HSPA9: variants seen among roughly 807,000 people sequenced by gnomAD.
HSPA9 encodes heat shock protein family A (Hsp70) member 9.
In HSPA9, 28 loss-of-function variants were observed where a neutral mutation model predicts 81.5. The ratio of observed to expected loss-of-function variants is 0.34; its 90% CI spans 0.25 to 0.47. HSPA9 has a LOEUF of 0.47. Among genes scored for constraint, HSPA9 ranks in the 20% least tolerant of loss-of-function variants. HSPA9 has a pLI of 1.00. For synonymous variants in HSPA9, 293 were observed against 290.4 expected (o/e 1.01, Z -0.09); for missense variants, 678 against 838.0 (o/e 0.81, Z 2.36).
In HSPA9 at chr5:138,573,641, CAAAAAAAAAA is replaced by C. The variant is rs57776368; in HGVS notation, c.228+112_228+121del. 246 of 304,334 alleles carry C rather than the reference CAAAAAAAAAA, an allele frequency of 8.1e-4. 1 individual carries two copies. Among genetic ancestry groups the C allele is most frequent in the Admixed American group, 1.2e-3 (23 of 18,558 alleles). 18.9% of individuals were successfully genotyped at this position (304,334 alleles called of 1,614,324 possible). Reference sequence around the variant, plus strand: ...CACCATGGGCTATAGAGACTGTCTCCAAAAAAAAAAAAAAAAAAAAAAAAAAAGCGCAAAT... The same window carrying C: ...CACCATGGGCTATAGAGACTGTCTCCAAAAAAAAAAAAAAAAAGCGCAAAT... On this transcript the variant is annotated intron_variant, in intron 3 of 16. Transcript: ENST00000297185.
At chr5:138,559,634 G>GT (rs762687136) in intron 11 of HSPA9, 4 of 507,672 alleles carry the variant, frequency 7.9e-6, no homozygotes, top group Non-Finnish European at 1.4e-5. Context: ...GACTACTGAT[G>GT]TCCTTCTTAT....
chr5:138,556,711 A>G, intron 15 of HSPA9, 63 bp downstream of exon 15: 1 of 1,561,366 alleles, frequency 6.4e-7, no homozygotes, highest in South Asian at 1.1e-5. Context: ...ACAGAAAAAT[A>G]AACTTCACTG....
Position 138,556,061 on chromosome 5 carries a change from T to C in HSPA9, c.2016A>G (p.Glu672=). 2 of 1,613,336 alleles carry C rather than the reference T, an allele frequency of 1.2e-6. No individual in the cohort carries two copies. The highest frequency in any genetic ancestry group is 1.7e-6 in the Non-Finnish European group (2 of 1,179,504). The change falls in exon 17 of 17, where the codon GAA becomes GAG. Residue 672 remains glutamate, a synonymous_variant. Transcript: ENST00000297185. ...ATTACTGTTTTTCCTCCTTTTGATCTTCCTTTTGTTCCCCAGTGCCAGAAC... is the reference window on the plus strand; with the variant it reads ...ATTACTGTTTTTCCTCCTTTTGATCCTCCTTTTGTTCCCCAGTGCCAGAAC... ...SGSSGTGEQK[E]DQKEEKQ
intron 6 of HSPA9, 33 bp downstream of exon 6, chr5:138,567,616 C>T: frequency 1.2e-6 from 2 of 1,611,340 alleles, no homozygotes; most frequent in Non-Finnish European, 1.7e-6. Flanking sequence ...AGGCACCTTA[C>T]TTTTTGTGAA....
intron 1 of HSPA9, chr5:138,574,922 ATAGACTGCATCCCTCACCC>A: frequency 2.1e-6 from 1 of 480,532 alleles, no homozygotes; most frequent in African/African-American, 2.0e-5. Flanking sequence ...GGCTTTCCCA[ATAGACTGCATCCCTCACCC>A]CCAAGGCCAA....
intron 15 of HSPA9, 35 bp downstream of exon 15, chr5:138,556,739 T>C (rs1167169499): frequency 6.3e-7 from 1 of 1,579,664 alleles, no homozygotes; most frequent in Non-Finnish European, 8.7e-7. Context: ...TAAAAATGTG[T>C]TCAACCTCTT....
intron 1 of HSPA9, 192 bp from the exon 2 acceptor site, chr5:138,574,318 C>T (rs1008654974): frequency 1.6e-6 from 1 of 633,368 alleles, no homozygotes; most frequent in Admixed American, 2.8e-5. Flanking sequence ...TAGGATTTCT[C>T]AACCGTGGCG....
chr5:138,561,554 C>A, intron 10 of HSPA9, 26 bp downstream of exon 10: 1 of 1,593,082 alleles, frequency 6.3e-7, no homozygotes, highest in South Asian at 1.1e-5. Context: ...CCTCTCTCTC[C>A]ACGACAGAAT....
chr5:138,569,074 G>C, intron 4 of HSPA9, 25 bp from the exon 5 acceptor site: 1 of 1,611,300 alleles, frequency 6.2e-7, no homozygotes, highest in Non-Finnish European at 8.5e-7. Context: ...AATTCTATTA[G>C]AGAAAACTAC....
chr5:138,570,520 A>AGC (rs1750858872), intron 4 of HSPA9, among the ~76,000 whole-genome samples: 1 of 152,182 alleles, frequency 6.6e-6, no homozygotes, highest in African/African-American at 2.4e-5. Context: ...ACAGAGTCTC[A>AGC]GCAGCCCAGG....
intron 11 of HSPA9, 74 bp from the exon 12 acceptor site, chr5:138,558,731 A>T: frequency 1.1e-6 from 1 of 938,706 alleles, no homozygotes. Flanking sequence ...AATGAAAGCC[A>T]AAGGTTTACA....
At position 138,570,934 on chromosome 5, in the gene HSPA9, T is replaced by C. The variant is rs745508583; in HGVS notation, c.410+26A>G. ...GTGGCCCTTGCAAATAACTGCTTTT[T>C]GCAAAAAACTTTTGCTGTTACTCAC... On this transcript the variant is annotated intron_variant, in intron 4 of 16. Transcript: ENST00000297185. The C allele has an allele frequency of 7.4e-6, 12 of 1,612,256 alleles. No homozygotes were observed. In the South Asian group the frequency reaches 1.2e-4, roughly 16 times the overall value.
At position 138,560,104 on chromosome 5, in the gene HSPA9, GAA is replaced by G; in HGVS notation, c.1183-15_1183-14del. ...CAGTCTGCTGAACCTGAACATCAAG[GAA>G]AAAGAACCTGTCGGCCCACACTTGG... On this transcript the variant is annotated splice_polypyrimidine_tract_variant and intron_variant, in intron 10 of 16. Transcript: ENST00000297185. 1 of 1,606,756 alleles carries G rather than the reference GAA, an allele frequency of 6.2e-7. No homozygotes were observed. The highest frequency in any genetic ancestry group is 8.5e-7 in the Non-Finnish European group (1 of 1,173,832).
intron 9 of HSPA9, among the ~76,000 whole-genome samples, chr5:138,565,024 G>A (rs1750734135): frequency 6.6e-6 from 1 of 152,164 alleles, no homozygotes; most frequent in Non-Finnish European, 1.5e-5. Flanking sequence ...ATCTGCATGA[G>A]GGTAATAAAC....
At chr5:138,558,025 A>G in intron 12 of HSPA9, 39 bp from the exon 13 acceptor site, 4 of 1,267,550 alleles carry the variant, frequency 3.2e-6, no homozygotes, top group Non-Finnish European at 4.6e-6. Context: ...CCTCTTACAG[A>G]GGGGTCCAGT....
At chr5:138,561,538 G>A (rs377152013) in intron 10 of HSPA9, 42 bp downstream of exon 10, 229 of 1,527,374 alleles carry the variant, frequency 1.5e-4, no homozygotes, top group Non-Finnish European at 1.8e-4. Context: ...TACACTATGC[G>A]CCAGCCCTCT....
chr5:138,560,100 C>A lies in HSPA9; in HGVS notation c.1183-9G>T. 1 of 1,610,332 alleles carries A rather than the reference C, an allele frequency of 6.2e-7. No homozygotes were observed. The highest frequency in any genetic ancestry group is 8.5e-7 in the Non-Finnish European group (1 of 1,176,960). On this transcript the variant is annotated splice_polypyrimidine_tract_variant and intron_variant, in intron 10 of 16. Coordinates refer to ENST00000297185, the MANE Select transcript of HSPA9 (RefSeq NM_004134.7). ...TGTACAGTCTGCTGAACCTGAACAT[C>A]AAGGAAAAAGAACCTGTCGGCCCAC... is the stretch of plus-strand genomic sequence containing the variant.
chr5:138,571,144 A>C lies in HSPA9; in HGVS notation c.229-3T>G, dbSNP rs1276988731. 1 of 1,613,246 alleles carries C rather than the reference A, an allele frequency of 6.2e-7. No individual in the cohort carries two copies. Among genetic ancestry groups the C allele is most frequent in the Non-Finnish European group, 8.5e-7 (1 of 1,179,854 alleles). ...GCACCTTCGGCATTCTCCAGCACCT[A>C]AACTCCCAAAATGTGATAGAGAGTA... is the stretch of plus-strand genomic sequence containing the variant. On this transcript the variant is annotated splice_region_variant and splice_polypyrimidine_tract_variant and intron_variant, in intron 3 of 16. Coordinates refer to ENST00000297185, the MANE Select transcript of HSPA9 (RefSeq NM_004134.7).
intron 9 of HSPA9, among the ~76,000 whole-genome samples, chr5:138,564,290 G>C (rs1750716247): frequency 6.6e-6 from 1 of 152,156 alleles, no homozygotes; most frequent in African/African-American, 2.4e-5. Flanking sequence ...TTTTAGTAGA[G>C]ACACGGTTTC....
Sources: allele counts gnomAD v4.1 joint callset (sites outside exome capture counted in the v4.1 genomes callset), GRCh38; gene constraint gnomAD v4.1.1; transcripts MANE v1.5; gene names NCBI Gene and HGNC (gene_info 2026-07-23, HGNC 2026-07-21).